RANBP2: variants seen among roughly 807,000 people sequenced by gnomAD.
The protein encoded by RANBP2 is E3 SUMO-protein ligase RanBP2.
Under a neutral mutation model 303.6 loss-of-function variants are expected in RANBP2, and 57 were observed. That is an observed-to-expected ratio of 0.19 (90% confidence interval 0.15 to 0.23). The LOEUF is 0.23. Among genes scored for constraint, RANBP2 ranks in the 10% least tolerant of loss-of-function variants. RANBP2 has a pLI of 1.00. For synonymous variants in RANBP2, 1,167 were observed against 1,301.5 expected, an observed-to-expected ratio of 0.90 and a Z score of 2.23; for missense variants, 3,138 against 3,780.8, an observed-to-expected ratio of 0.83 and a Z score of 4.46.
the RANBP2 span, among the ~76,000 whole-genome samples, chr2:109,357,566 T>C: frequency 6.6e-6 from 1 of 152,242 alleles, no homozygotes; most frequent in African/African-American, 2.4e-5. Flanking sequence ...CCTTCCCGCA[T>C]GTCTACTAAC....
At chr2:109,387,728 A>T in the RANBP2 span, among the ~76,000 whole-genome samples, 2 of 152,164 alleles carry the variant, frequency 1.3e-5, no homozygotes, top group Non-Finnish European at 2.9e-5. Flanking sequence ...ATATTCACTT[A>T]TTCCTTGTCT....
At chr2:108,951,893 T>C in the RANBP2 span, among the ~76,000 whole-genome samples, 3 of 152,230 alleles carry the variant, frequency 2.0e-5, no homozygotes, top group Non-Finnish European at 4.4e-5. Context: ...TCTTGAGGTA[T>C]TGAATGGTGT....
chr2:109,183,583 T>TTA, the RANBP2 span, among the ~76,000 whole-genome samples: 1 of 117,530 alleles, frequency 8.5e-6, no homozygotes, highest in African/African-American at 3.5e-5. Flanking sequence ...CAATTCAGCC[T>TTA]TAACTTTTAT....
At chr2:108,762,858 A>G (rs1324398885) in intron 19 of RANBP2, among the ~76,000 whole-genome samples, 1 of 152,090 alleles carries the variant, frequency 6.6e-6, no homozygotes, top group Non-Finnish European at 1.5e-5. Flanking sequence ...AGGAATGAAG[A>G]AGGTATTTAT....
At chr2:108,856,634 G>C in the RANBP2 span, 1 of 196,702 alleles carries the variant, frequency 5.1e-6, no homozygotes, top group Non-Finnish European at 9.2e-6. Context: ...TTTGAGTTCT[G>C]ACAAATCAGT....
the RANBP2 span, among the ~76,000 whole-genome samples, chr2:109,385,813 C>CA: frequency 4.6e-5 from 7 of 151,890 alleles, no homozygotes; most frequent in South Asian, 4.2e-4. Flanking sequence ...GCACCAGAAA[C>CA]AAAAAAAATA....
At chr2:109,324,947 C>A in the RANBP2 span, among the ~76,000 whole-genome samples, 1 of 152,166 alleles carries the variant, frequency 6.6e-6, no homozygotes, top group African/African-American at 2.4e-5. Flanking sequence ...ACAGTAATGA[C>A]TAGTATAGAC....
the RANBP2 span, among the ~76,000 whole-genome samples, chr2:109,678,267 A>G: frequency 6.6e-6 from 1 of 152,372 alleles, no homozygotes; most frequent in African/African-American, 2.4e-5. Context: ...AGGATCCCCA[A>G]TATTCACACC....
At chr2:109,160,302 C>G in the RANBP2 span, among the ~76,000 whole-genome samples, 1 of 152,150 alleles carries the variant, frequency 6.6e-6, no homozygotes, top group African/African-American at 2.4e-5. Flanking sequence ...ACAGAGGAGG[C>G]CAGAGAGGGC....
chr2:109,123,690 A>C, the RANBP2 span, among the ~76,000 whole-genome samples: 1 of 152,198 alleles, frequency 6.6e-6, no homozygotes, highest in East Asian at 1.9e-4. Flanking sequence ...TGTGAAATGG[A>C]GGTACCACAT....
intron 8 of RANBP2, among the ~76,000 whole-genome samples, 170 bp from the exon 9 acceptor site, chr2:108,748,750 C>T (rs535384887): frequency 1.2e-4 from 19 of 152,274 alleles, no homozygotes; most frequent in Middle Eastern, 3.4e-3. Flanking sequence ...CTGTACTCTT[C>T]TCATTTGCTA....
the RANBP2 span, among the ~76,000 whole-genome samples, chr2:108,840,023 A>G: frequency 6.6e-6 from 1 of 152,040 alleles, no homozygotes; most frequent in Non-Finnish European, 1.5e-5. Context: ...CTTTCAATCA[A>G]GTTCCCCTGT....
chr2:109,517,611 C>G, the RANBP2 span, among the ~76,000 whole-genome samples: 1 of 152,232 alleles, frequency 6.6e-6, no homozygotes, highest in African/African-American at 2.4e-5. Context: ...CTTCACAGCT[C>G]AGCAGGGGTG....
At chr2:108,794,569 A>G in the RANBP2 span, 6 of 1,612,594 alleles carry the variant, frequency 3.7e-6, no homozygotes, top group East Asian at 1.3e-4. Context: ...GACCTCATCG[A>G]GACCTCGGAC....
At chr2:109,514,489 G>T in the RANBP2 span, among the ~76,000 whole-genome samples, 1 of 152,198 alleles carries the variant, frequency 6.6e-6, no homozygotes, top group African/African-American at 2.4e-5. Context: ...CGAGTTCAGT[G>T]TGGGGCACTT....
At chr2:109,614,082 C>T in the RANBP2 span, 2 of 1,211,170 alleles carry the variant, frequency 1.7e-6, no homozygotes, top group South Asian at 4.3e-5. Flanking sequence ...CTACCCTCGA[C>T]GCCTGAGGAC....
the RANBP2 span, among the ~76,000 whole-genome samples, chr2:109,730,063 C>A: frequency 6.6e-6 from 1 of 152,146 alleles, no homozygotes; most frequent in Admixed American, 6.5e-5. Context: ...TCCCTCAACA[C>A]GTGGGGATTA....
the RANBP2 span, among the ~76,000 whole-genome samples, chr2:109,001,112 C>T: frequency 6.6e-6 from 1 of 152,318 alleles, no homozygotes; most frequent in Middle Eastern, 3.4e-3. Context: ...AGTTTCATTG[C>T]TACATGAGTG....
At chr2:109,605,790 TTC>T in the RANBP2 span, 2 of 152,192 alleles carry the variant, frequency 1.3e-5, no homozygotes, top group African/African-American at 4.8e-5. Flanking sequence ...ACAACAGAAT[TTC>T]TGTTACTATG....
Sources: gnomAD v4.1 joint callset for allele counts (sites outside exome capture counted in the v4.1 genomes callset) on GRCh38, gnomAD v4.1.1 for gene constraint, MANE v1.5 for transcripts, NCBI Gene and HGNC (gene_info 2026-07-23, HGNC 2026-07-21) for gene names.